The following STXBP5L variants were observed in gnomAD, a reference collection of about 807,000 sequenced individuals.
STXBP5L encodes syntaxin binding protein 5L.
In STXBP5L, 65 loss-of-function variants were observed where a neutral mutation model predicts 144.5. That is an observed-to-expected ratio of 0.45 (90% CI 0.37 to 0.55). The LOEUF is 0.55. STXBP5L is among the 20% of genes least tolerant of loss of function. The pLI, the probability that STXBP5L is intolerant of heterozygous loss-of-function variation, is 0.00. For missense variants in STXBP5L, 1,298 were observed against 1,405.5 expected (o/e 0.92, Z 1.22); for synonymous variants, 505 against 469.6 (o/e 1.08, Z -0.97).
chr3:120,967,565 T>C (rs1048084971), intron 3 of STXBP5L, among the ~76,000 whole-genome samples: 20 of 152,206 alleles, frequency 1.3e-4, no homozygotes, highest in African/African-American at 4.8e-4. Flanking sequence ...ATCATTTTTA[T>C]TTTGTTGATA....
intron 9 of STXBP5L, among the ~76,000 whole-genome samples, chr3:121,167,163 CA>C (rs945223509): frequency 1.3e-5 from 2 of 152,064 alleles, no homozygotes; most frequent in African/African-American, 4.8e-5. Context: ...ATTACAAAAT[CA>C]GAACACATAT....
At chr3:121,131,640 A>G (rs1364481006) in intron 7 of STXBP5L, among the ~76,000 whole-genome samples, 1 of 152,198 alleles carries the variant, frequency 6.6e-6, no homozygotes, top group African/African-American at 2.4e-5. Context: ...AGTTTCAAAA[A>G]AGAAAAAAAT....
chr3:121,038,965 C>T (rs930514703), intron 3 of STXBP5L, among the ~76,000 whole-genome samples: 1 of 151,656 alleles, frequency 6.6e-6, no homozygotes, highest in Admixed American at 6.6e-5. Flanking sequence ...TAACTTTTAA[C>T]CTATTTGTAT....
At chr3:121,338,744 G>T (rs1168539918) in intron 20 of STXBP5L, among the ~76,000 whole-genome samples, 2 of 151,854 alleles carry the variant, frequency 1.3e-5, no homozygotes, top group African/African-American at 4.8e-5. Flanking sequence ...GAATACAAAA[G>T]ATTATTTAAG....
chr3:121,336,548 A>T (rs2044513391), intron 20 of STXBP5L, among the ~76,000 whole-genome samples: 1 of 152,116 alleles, frequency 6.6e-6, no homozygotes, highest in South Asian at 2.1e-4. Flanking sequence ...AAAAATCCAC[A>T]AGGAGATATT....
At chr3:120,958,369 A>G (rs1439308063) in intron 3 of STXBP5L, among the ~76,000 whole-genome samples, 3 of 152,200 alleles carry the variant, frequency 2.0e-5, no homozygotes, top group Non-Finnish European at 4.4e-5. Context: ...AACTATTCCA[A>G]TCAATAGAAA....
At chr3:121,015,842 T>C (rs1945107605) in intron 3 of STXBP5L, among the ~76,000 whole-genome samples, 1 of 152,152 alleles carries the variant, frequency 6.6e-6, no homozygotes, top group African/African-American at 2.4e-5. Context: ...CAAAAGGTGT[T>C]ACAACTGGAG....
At chr3:121,173,435 A>G (rs2046810742) in intron 9 of STXBP5L, among the ~76,000 whole-genome samples, 1 of 151,932 alleles carries the variant, frequency 6.6e-6, no homozygotes, top group Non-Finnish European at 1.5e-5. Flanking sequence ...TAAACTTATC[A>G]GAGAACTCAG....
At chr3:121,257,378 A>C (rs367645182) in intron 17 of STXBP5L, 45 bp downstream of exon 17, 1 of 1,516,722 alleles carries the variant, frequency 6.6e-7, no homozygotes, top group African/African-American at 1.4e-5. Flanking sequence ...GATATTAATC[A>C]TATGTCTTTG....
chr3:121,303,449 C>T (rs2052012304), intron 19 of STXBP5L, among the ~76,000 whole-genome samples: 1 of 152,144 alleles, frequency 6.6e-6, no homozygotes, highest in Non-Finnish European at 1.5e-5. Flanking sequence ...ACTAGTTCAA[C>T]CACTGTGGAA....
chr3:121,305,487 G>C (rs2043306066), intron 19 of STXBP5L, among the ~76,000 whole-genome samples: 1 of 152,072 alleles, frequency 6.6e-6, no homozygotes, highest in Admixed American at 6.6e-5. Flanking sequence ...TTTATCCCAG[G>C]AATGCAAGTT....
chr3:121,089,340 A>T (rs1042557536), intron 5 of STXBP5L, among the ~76,000 whole-genome samples: 2 of 151,668 alleles, frequency 1.3e-5, no homozygotes, highest in East Asian at 3.9e-4. Context: ...TAATTTCTTC[A>T]TACCTGAGGG....
At chr3:120,931,804 T>A (rs544489671) in intron 2 of STXBP5L, among the ~76,000 whole-genome samples, 1 of 152,266 alleles carries the variant, frequency 6.6e-6, no homozygotes, top group East Asian at 1.9e-4. Flanking sequence ...CCCAGAATAA[T>A]CAGGAAATGG....
chr3:121,032,478 A>G (rs1946441367), intron 3 of STXBP5L, among the ~76,000 whole-genome samples: 1 of 151,992 alleles, frequency 6.6e-6, no homozygotes, highest in African/African-American at 2.4e-5. Flanking sequence ...CTAGAAGAAA[A>G]CCTAGGCATT....
At chr3:121,204,847 C>G (rs1179353355) in intron 9 of STXBP5L, among the ~76,000 whole-genome samples, 7 of 152,148 alleles carry the variant, frequency 4.6e-5, no homozygotes, top group Non-Finnish European at 1.0e-4. Context: ...GAAGTAGCTT[C>G]ATTTCTATTT....
At chr3:120,961,803 T>C (rs1411526690) in intron 3 of STXBP5L, among the ~76,000 whole-genome samples, 1 of 152,214 alleles carries the variant, frequency 6.6e-6, no homozygotes, top group East Asian at 1.9e-4. Flanking sequence ...ATGGGATGGC[T>C]GGGTCAAAAG....
At chr3:121,078,984 G>A (rs976276609) in intron 5 of STXBP5L, among the ~76,000 whole-genome samples, 1 of 152,232 alleles carries the variant, frequency 6.6e-6, no homozygotes. Flanking sequence ...GCCTTGACCA[G>A]CCCAGAAAGG....
rs143914917 is a variant in STXBP5L, at chr3:121,189,615, G to A, written c.878-16308G>A. On this transcript the variant is annotated intron_variant, in intron 9 of 26. Coordinates refer to ENST00000471454, the MANE Select transcript of STXBP5L (RefSeq NM_001308330.2). Reference sequence around the variant, plus strand: ...TTGGAACCAGTACCATGCTGTTTTGGTTACTGTAGCCTTGTAGTATAGTTT... The same window carrying A: ...TTGGAACCAGTACCATGCTGTTTTGATTACTGTAGCCTTGTAGTATAGTTT... Among the ~76,000 whole-genome samples, 1,434 of 152,256 alleles carry A rather than the reference G, an allele frequency of 9.4e-3. 8 individuals carry two copies. The highest frequency in any genetic ancestry group is 0.02 in the Middle Eastern group (6 of 294).
chr3:120,993,889 G>T (rs986959957), intron 3 of STXBP5L, among the ~76,000 whole-genome samples: 1 of 152,028 alleles, frequency 6.6e-6, no homozygotes, highest in Non-Finnish European at 1.5e-5. Flanking sequence ...GCTTTGGGTA[G>T]TATGGTCATT....
Sources: gnomAD v4.1 joint callset for allele counts (sites outside exome capture counted in the v4.1 genomes callset) on GRCh38, gnomAD v4.1.1 for gene constraint, MANE v1.5 for transcripts, NCBI Gene and HGNC (gene_info 2026-07-23, HGNC 2026-07-21) for gene names.